The following PCDHGA1 variants were observed in gnomAD, a reference collection of about 807,000 sequenced individuals.
PCDHGA1 encodes the protein protocadherin gamma subfamily A, 1.
Under a neutral mutation model 58.0 loss-of-function variants are expected in PCDHGA1, and 32 were observed. The observed-to-expected ratio is 0.55, with a 90% CI of 0.42 to 0.74. The LOEUF is 0.74. PCDHGA1 is among the 30% of genes least tolerant of loss of function. PCDHGA1 has a pLI of 0.00. For missense variants in PCDHGA1, 1,205 were observed against 1,182.3 expected, an observed-to-expected ratio of 1.02 and a Z score of -0.28; for synonymous variants, 498 against 501.1, an observed-to-expected ratio of 0.99 and a Z score of 0.08.
chr5:141,390,416 T>A, intron 1 of PCDHGA1: 2 of 1,124,674 alleles, frequency 1.8e-6, no homozygotes, highest in Non-Finnish European at 2.5e-6. Context: ...TGTAGTCAGT[T>A]AAAAAGCTGT....
At position 141,423,654 on chromosome 5, in the gene PCDHGA1, T is replaced by C. The variant is rs768410507; in HGVS notation, c.2422-71153T>C. The C allele has an allele frequency of 6.3e-6, 10 of 1,583,982 alleles. No individual in the cohort carries two copies. The Admixed American group carries it at 1.8e-4, about 28-fold the overall frequency. ...TTTTAGGCAAATGTGACCCGACAAG[T>C]AATCAGGTGAGATTTATTTCTCTGC... On this transcript the variant is annotated intron_variant, in intron 1 of 3. Transcript: ENST00000517417.
chr5:141,428,310 G>A (rs2097132610), intron 1 of PCDHGA1: 1 of 671,630 alleles, frequency 1.5e-6, no homozygotes, highest in Admixed American at 2.2e-5. Context: ...ACCTGGTCGT[G>A]GCCTTGGCCT....
chr5:141,355,162 G>A (rs1759735186), intron 1 of PCDHGA1: 1 of 1,562,626 alleles, frequency 6.4e-7, no homozygotes, highest in African/African-American at 1.4e-5. Flanking sequence ...CTCGACAGAG[G>A]GAAAACCGAA....
At chr5:141,468,841 G>C (rs1189145481) in intron 1 of PCDHGA1, among the ~76,000 whole-genome samples, 3 of 152,014 alleles carry the variant, frequency 2.0e-5, no homozygotes, top group Non-Finnish European at 4.4e-5. Flanking sequence ...ACTCCAGCCT[G>C]GGCAACAGAG....
rs1241912384 is a variant in PCDHGA1 at position 141,404,765 on chromosome 5, T to C, written c.2421+71660T>C. ...AGACTCAGGCCAGAATGCTTGGCTC[T>C]CCTACCGCCTATTCAAGGCCAGTGA... On this transcript the variant is annotated intron_variant, in intron 1 of 3. Coordinates refer to ENST00000517417, the MANE Select transcript of PCDHGA1 (RefSeq NM_018912.3). 2.5e-6 allele frequency: 4 copies of C among 1,613,120 alleles called. No individual in the cohort carries two copies. The Admixed American group carries it at 6.7e-5, about 27-fold the overall frequency.
chr5:141,351,097 C>T (rs1233057800), intron 1 of PCDHGA1: 1 of 1,614,100 alleles, frequency 6.2e-7, no homozygotes, highest in East Asian at 2.2e-5. Flanking sequence ...ATGCCTTCCT[C>T]AATTCCCCAA....
At chr5:141,424,245 A>T (rs1196753393) in intron 1 of PCDHGA1, 3 of 155,310 alleles carry the variant, frequency 1.9e-5, no homozygotes, top group African/African-American at 7.2e-5. Context: ...GGTGGCTGGT[A>T]ATATGCTTAG....
intron 1 of PCDHGA1, chr5:141,364,511 G>A (rs371508186): frequency 2.5e-6 from 4 of 1,613,922 alleles, no homozygotes; most frequent in Non-Finnish European, 1.7e-6. Context: ...GGAGCTGGCG[G>A]AGCGCGGAGT....
At chr5:141,500,182 A>ATTT (rs1199992745) in intron 2 of PCDHGA1, among the ~76,000 whole-genome samples, 1 of 131,622 alleles carries the variant, frequency 7.6e-6, no homozygotes, top group African/African-American at 3.1e-5. Context: ...CTTCATTTTT[A>ATTT]TTTTTATTTA....
chr5:141,380,058 C>G (rs1231461261), intron 1 of PCDHGA1, among the ~76,000 whole-genome samples: 1 of 151,888 alleles, frequency 6.6e-6, no homozygotes, highest in Non-Finnish European at 1.5e-5. Flanking sequence ...TGCCACCATG[C>G]CTAGCTAATT....
chr5:141,385,704 T>C (rs1297599541), intron 1 of PCDHGA1: 1 of 268,260 alleles, frequency 3.7e-6, no homozygotes. Context: ...CTCTTTAGCA[T>C]TCAAATATGT....
intron 1 of PCDHGA1, chr5:141,399,946 GC>G: frequency 6.2e-7 from 1 of 1,612,270 alleles, no homozygotes. Context: ...CGTGCTGCAG[GC>G]TAGCGAGCCC....
chr5:141,433,357 G>GCCTA, intron 1 of PCDHGA1: 1 of 569,056 alleles, frequency 1.8e-6, no homozygotes, highest in Non-Finnish European at 3.1e-6. Context: ...CCTACTGTCT[G>GCCTA]CCTATCTATC....
chr5:141,371,160 C>T, intron 1 of PCDHGA1: 4 of 1,614,022 alleles, frequency 2.5e-6, no homozygotes, highest in Non-Finnish European at 2.5e-6. Context: ...AGAGAACCTG[C>T]CCGCTGGCTC....
At position 141,486,090 on chromosome 5, in the gene PCDHGA1, G is replaced by C. The variant is rs190955361; in HGVS notation, c.2422-8717G>C. On this transcript the variant is annotated intron_variant, in intron 1 of 3. Transcript: ENST00000517417. The surrounding 1 kb of genome is among the most constrained non-coding windows in gnomAD (Gnocchi z 5.0). ...ACTACTGGAAAGCTTACTCTTTTGG[G>C]GCCCCTAGACTTTGAGAGTGAGAAT... 4 of 1,614,086 alleles carry C rather than the reference G, an allele frequency of 2.5e-6. No individual in the cohort carries two copies. The Admixed American group carries it at 6.7e-5, about 27-fold the overall frequency.
chr5:141,491,327 T>C lies in PCDHGA1; in HGVS notation c.2422-3480T>C, dbSNP rs1422115943. ...TCAGACCTTACCCTTTACCTCATTG[T>C]GGCTCTAGCGACCGTCAGTCTCTTA... is the stretch of plus-strand genomic sequence containing the variant. On this transcript the variant is annotated intron_variant, in intron 1 of 3. Coordinates refer to ENST00000517417, the MANE Select transcript of PCDHGA1 (RefSeq NM_018912.3). This position sits in a 1 kb window ranked among gnomAD's most constrained non-coding sequence, Gnocchi z 6.9. 5.6e-6 allele frequency: 9 copies of C among 1,614,098 alleles called. No homozygotes were observed. Among genetic ancestry groups the C allele is most frequent in the Admixed American group, 3.3e-5 (2 of 60,006 alleles).
At chr5:141,375,275 G>A in intron 1 of PCDHGA1, 1 of 1,613,902 alleles carries the variant, frequency 6.2e-7, no homozygotes. Context: ...GGAAAAATCA[G>A]TTGGCAATTA....
chr5:141,444,947 C>G (rs2098452252), intron 1 of PCDHGA1, among the ~76,000 whole-genome samples: 1 of 152,054 alleles, frequency 6.6e-6, no homozygotes, highest in Non-Finnish European at 1.5e-5. Context: ...GGAGGAGGAT[C>G]ATCTTAACAA....
intron 1 of PCDHGA1, chr5:141,360,820 C>T: frequency 6.2e-7 from 1 of 1,613,944 alleles, no homozygotes; most frequent in Middle Eastern, 1.6e-4. Context: ...GACCCAAATC[C>T]GAATCAAAGT....
Sources: gnomAD v4.1 joint callset for allele counts (sites outside exome capture counted in the v4.1 genomes callset) on GRCh38, gnomAD v4.1.1 for gene constraint, Gnocchi (gnomAD v3.1) non-coding constraint, MANE v1.5 for transcripts, NCBI Gene and HGNC (gene_info 2026-07-23, HGNC 2026-07-21) for gene names.